The following LIN9 variants were observed in gnomAD, a reference collection of about 807,000 sequenced individuals.
The protein encoded by LIN9 is protein lin-9 homolog.
A neutral mutation model predicts 78.0 loss-of-function variants in LIN9; 18 were observed. That is an observed-to-expected ratio of 0.23 (90% CI 0.16 to 0.34). The LOEUF is 0.34. LIN9 is among the 10% of genes least tolerant of loss of function. The probability of loss-of-function intolerance (pLI) is 1.00; values close to 1 mark genes in which losing one functional copy is unlikely to be tolerated. For synonymous variants in LIN9, 192 were observed against 215.2 expected (o/e 0.89, Z 0.94); for missense variants, 451 against 644.1 (o/e 0.70, Z 3.25).
upstream of LIN9, chr1:226,309,524 G>A: frequency 8.5e-7 from 1 of 1,173,522 alleles, no homozygotes; most frequent in South Asian, 1.6e-5. Flanking sequence ...CAGGCTGTTT[G>A]TTCCGAGTGG....
intron 7 of LIN9, among the ~76,000 whole-genome samples, chr1:226,272,129 T>C (rs1024804663): frequency 6.6e-6 from 1 of 151,430 alleles, no homozygotes; most frequent in African/African-American, 2.4e-5. Context: ...AGATCTTGGC[T>C]CGCTGCAACT....
At chr1:226,260,118 A>G (rs1659471136) in intron 10 of LIN9, among the ~76,000 whole-genome samples, 1 of 152,312 alleles carries the variant, frequency 6.6e-6, no homozygotes, top group African/African-American at 2.4e-5. Context: ...ACTCCTTGAA[A>G]TTTCTAAATT....
At chr1:226,273,236 C>CT (rs977485484) in intron 7 of LIN9, among the ~76,000 whole-genome samples, 16 of 102,966 alleles carry the variant, frequency 1.6e-4, no homozygotes, top group Admixed American at 9.5e-5. Context: ...TTCCTGCCAT[C>CT]TTTTTTTTTT....
chr1:226,287,812 AAAG>A lies in LIN9; in HGVS notation c.265-18_265-16del. On this transcript the variant is annotated splice_polypyrimidine_tract_variant and intron_variant, in intron 4 of 14. Transcript: ENST00000681046. ...GCTGTAAATTTCTATACAATAAAAA[AAAG>A]AGATTAATTTATGGCTCCATTAAGT... The A allele has an allele frequency of 6.6e-7, 1 of 1,522,060 alleles. No individual in the cohort carries two copies. The highest frequency in any genetic ancestry group is 8.8e-7 in the Non-Finnish European group (1 of 1,140,708). 94.3% of individuals were successfully genotyped at this position (1,522,060 alleles called of 1,614,324 possible). A position where few individuals can be genotyped will look rare whatever the true frequency, so the allele number is the denominator to read the frequency against.
chr1:226,273,962 C>T (rs895732600), intron 7 of LIN9, among the ~76,000 whole-genome samples: 1 of 152,070 alleles, frequency 6.6e-6, no homozygotes, highest in Non-Finnish European at 1.5e-5. Flanking sequence ...CTCAGCCTCC[C>T]AAGTAGCTAG....
intron 10 of LIN9, among the ~76,000 whole-genome samples, chr1:226,263,979 A>T (rs939334612): frequency 6.6e-6 from 1 of 152,134 alleles, no homozygotes; most frequent in African/African-American, 2.4e-5. Flanking sequence ...TGGGAGGCTG[A>T]GGTGGGAGGA....
chr1:226,238,304 C>A (rs1177871765), intron 12 of LIN9, among the ~76,000 whole-genome samples: 1 of 152,082 alleles, frequency 6.6e-6, no homozygotes, highest in Non-Finnish European at 1.5e-5. Flanking sequence ...AACAAAAAAA[C>A]AACCAAAAAA....
At chr1:226,308,185 C>T (rs2615804) in intron 1 of LIN9, among the ~76,000 whole-genome samples, 1,913 of 152,180 alleles carry the variant, frequency 0.013, 18 homozygotes, top group Middle Eastern at 0.041. Flanking sequence ...ACATATTTGT[C>T]TTTTCATATA....
intron 6 of LIN9, among the ~76,000 whole-genome samples, chr1:226,280,547 G>GT (rs1660982058): frequency 6.6e-6 from 1 of 152,196 alleles, no homozygotes; most frequent in Admixed American, 6.5e-5. Flanking sequence ...GGAGGCCGAG[G>GT]TGGGCGGATC....
At chr1:226,286,610 T>C in intron 5 of LIN9, 152 bp from the exon 6 acceptor site, 2 of 585,652 alleles carry the variant, frequency 3.4e-6, no homozygotes, top group Non-Finnish European at 5.8e-6. Flanking sequence ...TCCTTGGCAT[T>C]TGTGAAACAT....
At chr1:226,269,886 G>A (rs1660156790) in intron 7 of LIN9, among the ~76,000 whole-genome samples, 1 of 152,152 alleles carries the variant, frequency 6.6e-6, no homozygotes, top group Non-Finnish European at 1.5e-5. Context: ...CAAGATGTTT[G>A]AGCATAACCT....
chr1:226,262,163 T>C (rs72762688), intron 10 of LIN9, among the ~76,000 whole-genome samples: 22,757 of 152,080 alleles, frequency 0.15, 2,146 homozygotes, highest in Middle Eastern at 0.23. Context: ...AATCCAAAAC[T>C]ATAAAACTCC....
chr1:226,257,910 G>A (rs1488921628), intron 10 of LIN9, among the ~76,000 whole-genome samples: 1 of 152,178 alleles, frequency 6.6e-6, no homozygotes, highest in Non-Finnish European at 1.5e-5. Context: ...AAGGCCAGGT[G>A]TGGTGGCTCA....
chr1:226,246,533 A>C (rs1658485453), intron 11 of LIN9, among the ~76,000 whole-genome samples: 1 of 152,030 alleles, frequency 6.6e-6, no homozygotes, highest in Non-Finnish European at 1.5e-5. Context: ...CTGTAATCCC[A>C]GCACTTTGGG....
At chr1:226,283,500 T>C (rs1419683307) in intron 6 of LIN9, among the ~76,000 whole-genome samples, 2 of 151,992 alleles carry the variant, frequency 1.3e-5, no homozygotes, top group African/African-American at 4.8e-5. Flanking sequence ...CTTTATATAG[T>C]AGGGAATTAG....
chr1:226,283,694 T>A (rs752774248), intron 6 of LIN9, among the ~76,000 whole-genome samples: 1 of 152,156 alleles, frequency 6.6e-6, no homozygotes. Flanking sequence ...ATACCCATAA[T>A]CTCAGCACTC....
intron 8 of LIN9, 127 bp downstream of exon 8, chr1:226,267,830 T>G: frequency 1.0e-6 from 1 of 953,848 alleles, no homozygotes; most frequent in Non-Finnish European, 1.5e-6. Flanking sequence ...AGGGCTGGGG[T>G]CCCCTAAGGA....
At position 226,232,223 on chromosome 1, in the gene LIN9, A is replaced by T. The variant is rs906154498; in HGVS notation, c.*278T>A. The T allele has an allele frequency of 3.0e-5, 12 of 401,480 alleles. No individual in the cohort carries two copies. Among genetic ancestry groups the T allele is most frequent in the Non-Finnish European group, 8.8e-6 (2 of 227,824 alleles). The allele number at this position is 401,480 out of a possible 1,614,324, so 24.9% of individuals were successfully genotyped here. On this transcript the variant is annotated 3_prime_UTR_variant, in exon 15 of 15. Transcript: ENST00000681046. Reference sequence around the variant, plus strand: ...GGTCAATGTATTCTTCCACGAAATTATATTATGTTCAGATATTTCAGTTTA... The same window carrying T: ...GGTCAATGTATTCTTCCACGAAATTTTATTATGTTCAGATATTTCAGTTTA...
chr1:226,272,780 A>G (rs1258788952), intron 7 of LIN9, among the ~76,000 whole-genome samples: 1 of 151,972 alleles, frequency 6.6e-6, no homozygotes, highest in Non-Finnish European at 1.5e-5. Flanking sequence ...ACAGCTGTAG[A>G]TCATGTGCCT....
Sources: allele counts gnomAD v4.1 joint callset (sites outside exome capture counted in the v4.1 genomes callset), GRCh38; gene constraint gnomAD v4.1.1; transcripts MANE v1.5; gene names NCBI Gene and HGNC (gene_info 2026-07-23, HGNC 2026-07-21).